FOXN3: variants seen among roughly 807,000 people sequenced by gnomAD.
FOXN3 encodes forkhead box N3.
Under a neutral mutation model 38.4 loss-of-function variants are expected in FOXN3, and 7 were observed. The observed-to-expected ratio is 0.18, with a 90% CI of 0.10 to 0.34. The LOEUF is 0.34. Among genes scored for constraint, FOXN3 ranks in the 10% least tolerant of loss-of-function variants. FOXN3 has a pLI of 1.00. For synonymous variants in FOXN3, 230 were observed against 242.2 expected, an observed-to-expected ratio of 0.95 and a Z score of 0.47; for missense variants, 456 against 613.4, an observed-to-expected ratio of 0.74 and a Z score of 2.71.
intron 4 of FOXN3, among the ~76,000 whole-genome samples, chr14:89,277,612 C>T (rs560849613): frequency 5.9e-5 from 9 of 152,218 alleles, no homozygotes; most frequent in African/African-American, 1.7e-4. Context: ...TACAGGCACC[C>T]GACGTCCAGG....
intron 3 of FOXN3, among the ~76,000 whole-genome samples, chr14:89,319,463 C>T (rs1302760309): frequency 2.0e-5 from 3 of 152,080 alleles, no homozygotes; most frequent in Non-Finnish European, 2.9e-5. Context: ...AGCCTCAGAG[C>T]CTCAGTGCCC....
chr14:89,414,142 C>T (rs1221010099), intron 1 of FOXN3, among the ~76,000 whole-genome samples: 2 of 151,932 alleles, frequency 1.3e-5, no homozygotes, highest in Non-Finnish European at 1.5e-5. Context: ...TGGTAAAACG[C>T]CATCTCCACC....
At chr14:89,215,086 C>T (rs6575045) in intron 4 of FOXN3, among the ~76,000 whole-genome samples, 120,833 of 152,254 alleles carry the variant, frequency 0.79, 48,156 homozygotes, top group African/African-American at 0.87. Flanking sequence ...TGGTTTATTA[C>T]ATAATTAAAC....
intron 4 of FOXN3, among the ~76,000 whole-genome samples, chr14:89,261,575 C>T (rs1027054154): frequency 1.3e-5 from 2 of 151,992 alleles, no homozygotes; most frequent in Non-Finnish European, 2.9e-5. Flanking sequence ...GGGTGGATTG[C>T]CTGAAGTCAG....
intron 4 of FOXN3, among the ~76,000 whole-genome samples, chr14:89,236,312 G>A (rs1005677715): frequency 1.1e-4 from 16 of 152,116 alleles, no homozygotes; most frequent in African/African-American, 2.9e-4. Flanking sequence ...TCAGGAGATC[G>A]AGACCATCCT....
intron 4 of FOXN3, chr14:89,184,272 A>G (rs1315966575): frequency 6.6e-6 from 1 of 152,320 alleles, no homozygotes; most frequent in Non-Finnish European, 1.5e-5. Context: ...AAACACGTAA[A>G]GTTGGACAAA....
intron 4 of FOXN3, among the ~76,000 whole-genome samples, chr14:89,270,984 C>T (rs967010697): frequency 6.6e-6 from 1 of 152,138 alleles, no homozygotes; most frequent in East Asian, 1.9e-4. Context: ...AAAGTTCACA[C>T]TTGGCACTGG....
At chr14:89,269,244 C>A (rs1317483451) in intron 4 of FOXN3, among the ~76,000 whole-genome samples, 2 of 152,112 alleles carry the variant, frequency 1.3e-5, no homozygotes, top group Non-Finnish European at 2.9e-5. Flanking sequence ...GAAAGAGGGG[C>A]CAACCAGTGT....
chr14:89,505,603 G>A (rs1893902946), intron 1 of FOXN3, among the ~76,000 whole-genome samples: 1 of 152,122 alleles, frequency 6.6e-6, no homozygotes, highest in African/African-American at 2.4e-5. Flanking sequence ...CTGGAGTGCA[G>A]TGGCGTGATC....
intron 2 of FOXN3, among the ~76,000 whole-genome samples, chr14:89,363,052 C>T (rs1889938080): frequency 6.6e-6 from 1 of 152,262 alleles, no homozygotes; most frequent in East Asian, 1.9e-4. Flanking sequence ...AAGGATTACA[C>T]AAGCTGGCCA....
intron 4 of FOXN3, among the ~76,000 whole-genome samples, chr14:89,208,767 C>T (rs181951864): frequency 1.3e-5 from 2 of 152,274 alleles, no homozygotes; most frequent in Non-Finnish European, 2.9e-5. Context: ...CTGAAATCAT[C>T]TTACTGATGA....
chr14:89,546,487 G>A (rs1027230814), intron 1 of FOXN3, among the ~76,000 whole-genome samples: 22 of 149,586 alleles, frequency 1.5e-4, no homozygotes, highest in African/African-American at 4.7e-4. Context: ...CTGCCACCAC[G>A]CCCGGCTAAT....
At chr14:89,441,931 T>C (rs1280384009) in intron 1 of FOXN3, among the ~76,000 whole-genome samples, 2 of 149,178 alleles carry the variant, frequency 1.3e-5, no homozygotes, top group Non-Finnish European at 3.0e-5. Context: ...ACTTTTTTTT[T>C]TTTTTTTTTT....
rs1566928496 is a variant in FOXN3 at position 89,204,095 on chromosome 14, AC to A, written c.746-23290del. 9.5e-3 allele frequency among the ~76,000 whole-genome samples: 1,353 copies of A among 141,816 alleles called. 26 individuals carry two copies. The highest frequency in any genetic ancestry group is 0.036 in the African/African-American group (1,284 of 35,546). The allele number at this position is 141,816 out of a possible 152,430, so 93.0% of individuals were successfully genotyped here. A position where few individuals can be genotyped will look rare whatever the true frequency, so the allele number is the denominator to read the frequency against. ...CACACACACACACACACACACACAC[AC>A]ACACACAACTACTACTACAACCACC... On this transcript the variant is annotated intron_variant, in intron 4 of 5. Coordinates refer to ENST00000557258, the MANE Select transcript of FOXN3 (RefSeq NM_005197.4).
At chr14:89,480,050 C>T (rs1265537055) in intron 1 of FOXN3, among the ~76,000 whole-genome samples, 1 of 152,166 alleles carries the variant, frequency 6.6e-6, no homozygotes, top group East Asian at 1.9e-4. Context: ...GTTTGTATCC[C>T]ATGTTGTAAG....
At chr14:89,384,531 C>G (rs1160036074) in intron 2 of FOXN3, among the ~76,000 whole-genome samples, 2 of 152,158 alleles carry the variant, frequency 1.3e-5, no homozygotes, top group Non-Finnish European at 2.9e-5. Flanking sequence ...TGGTTTCATC[C>G]ACTTGGAAAA....
intron 1 of FOXN3, among the ~76,000 whole-genome samples, chr14:89,618,111 C>T (rs536124947): frequency 1.3e-5 from 2 of 152,338 alleles, no homozygotes; most frequent in East Asian, 3.9e-4. Context: ...GACAGCTCCA[C>T]ACGGGAGCTT....
intron 1 of FOXN3, among the ~76,000 whole-genome samples, chr14:89,552,634 A>G (rs1430006933): frequency 6.6e-6 from 1 of 152,154 alleles, no homozygotes; most frequent in East Asian, 1.9e-4. Flanking sequence ...CGAGGCAGGC[A>G]GATCACCTGA....
rs1417165953 is a variant in FOXN3 at position 89,158,636 on chromosome 14, C to T, written c.*3778G>A. On this transcript the variant is annotated 3_prime_UTR_variant, in exon 6 of 6. Transcript: ENST00000557258. ...GGTATATTATAAGGCTGGGAAAAATCTATGATGCAAACCCTTTCCACATAG... is the reference window on the plus strand; with the variant it reads ...GGTATATTATAAGGCTGGGAAAAATTTATGATGCAAACCCTTTCCACATAG... The T allele has an allele frequency of 6.6e-6, 1 of 152,472 alleles. No individual in the cohort carries two copies. Among genetic ancestry groups the T allele is most frequent in the African/African-American group, 2.4e-5 (1 of 41,356 alleles). The allele number at this position is 152,472 out of a possible 1,614,324, so 9.4% of individuals were successfully genotyped here.
Sources: allele counts gnomAD v4.1 joint callset (sites outside exome capture counted in the v4.1 genomes callset), GRCh38; gene constraint gnomAD v4.1.1; transcripts MANE v1.5; gene names NCBI Gene and HGNC (gene_info 2026-07-23, HGNC 2026-07-21).